The following SLC1A3 variants were observed in gnomAD, a reference collection of about 807,000 sequenced individuals.
SLC1A3 encodes excitatory amino acid transporter 1.
Under a neutral mutation model 48.1 loss-of-function variants are expected in SLC1A3, and 21 were observed. That is an observed-to-expected ratio of 0.44 (90% CI 0.31 to 0.63). The LOEUF (loss-of-function observed/expected upper bound fraction) is 0.63. SLC1A3 is among the 20% of genes least tolerant of loss of function. The pLI, the probability that SLC1A3 is intolerant of heterozygous loss-of-function variation, is 0.08. For missense variants in SLC1A3, 546 were observed against 689.0 expected, an observed-to-expected ratio of 0.79 and a Z score of 2.32; for synonymous variants, 239 against 251.4, an observed-to-expected ratio of 0.95 and a Z score of 0.47.
chr5:36,635,793 C>G (rs1740319299), intron 3 of SLC1A3, among the ~76,000 whole-genome samples: 2 of 152,116 alleles, frequency 1.3e-5, no homozygotes, highest in South Asian at 4.1e-4. Flanking sequence ...GAGTCTCCAT[C>G]TTAACACTCA....
rs1742366662 is a variant in SLC1A3, at chr5:36,679,871, A to ATGTG, written c.1094+14_1094+17dup. 1 of 1,583,910 alleles carries ATGTG rather than the reference A, an allele frequency of 6.3e-7. No homozygotes were observed. Among genetic ancestry groups the ATGTG allele is most frequent in the African/African-American group, 1.3e-5 (1 of 74,324 alleles). Reference sequence around the variant, plus strand: ...GGGGACCTCTTCAAGGTATGTATGTATGTGTGGAAAATGAGTCTGAAATGT... The same window carrying ATGTG: ...GGGGACCTCTTCAAGGTATGTATGTATGTGTGTGTGGAAAATGAGTCTGAAATGT... On this transcript the variant is annotated intron_variant, in intron 7 of 9. Transcript: ENST00000265113.
chr5:36,669,030 AG>A (rs1741880306), intron 3 of SLC1A3: 1 of 152,230 alleles, frequency 6.6e-6, no homozygotes, highest in Non-Finnish European at 1.5e-5. Context: ...AGAAGGCGAG[AG>A]GGAAAAAAGC....
At chr5:36,621,819 C>T (rs192020730) in intron 2 of SLC1A3, among the ~76,000 whole-genome samples, 37 of 152,140 alleles carry the variant, frequency 2.4e-4, no homozygotes, top group Non-Finnish European at 5.0e-4. Context: ...CTCTAACTGC[C>T]GTGTATAGCT....
In SLC1A3 at chr5:36,608,490, C is replaced by T. The variant is rs11543905; in HGVS notation, c.67C>T (p.Arg23Cys). 2.6e-5 allele frequency: 42 copies of T among 1,613,752 alleles called. No homozygotes were observed. The highest frequency in any genetic ancestry group is 3.3e-5 in the Admixed American group (2 of 59,990). Reference sequence around the variant, plus strand: ...GATGGAGAGATTCCAGCAGGGAGTCCGTAAACGCACACTTTTGGCCAAGAA... The same window carrying T: ...GATGGAGAGATTCCAGCAGGGAGTCTGTAAACGCACACTTTTGGCCAAGAA... ...GRMERFQQGV[R>C]KRTLLAKKKV... The change falls in exon 2 of 10, where the codon CGT (arginine) becomes TGT (cysteine). Residue 23 changes from arginine (R) to cysteine (C), a missense_variant. Coordinates refer to ENST00000265113, the MANE Select transcript of SLC1A3 (RefSeq NM_004172.5).
chr5:36,616,118 C>A (rs555099906), intron 2 of SLC1A3, among the ~76,000 whole-genome samples: 15 of 152,062 alleles, frequency 9.9e-5, no homozygotes, highest in African/African-American at 3.6e-4. Context: ...TTGCTTGAAC[C>A]GGGAAGGAGG....
rs537607368 is a variant in SLC1A3 at position 36,649,069 on chromosome 5, C to A, written c.319+19482C>A. On this transcript the variant is annotated intron_variant, in intron 3 of 9. Transcript: ENST00000265113. ...TAAAAGATTATTTATCTTGACGAGG[C>A]CTGGTGGCTCATGCCTGTAATCCCA... 2.0e-5 allele frequency among the ~76,000 whole-genome samples: 3 copies of A among 152,158 alleles called. No homozygotes were observed. In the East Asian group the frequency reaches 5.8e-4, roughly 29 times the overall value.
intron 1 of SLC1A3, among the ~76,000 whole-genome samples, chr5:36,600,666 A>G (rs1738797771): frequency 6.6e-6 from 1 of 152,150 alleles, no homozygotes; most frequent in Non-Finnish European, 1.5e-5. Context: ...TCATAAGGCA[A>G]TGGGAATTCC....
chr5:36,641,139 C>T (rs1375941934), intron 3 of SLC1A3, among the ~76,000 whole-genome samples: 1 of 152,128 alleles, frequency 6.6e-6, no homozygotes, highest in Non-Finnish European at 1.5e-5. Flanking sequence ...GAGCATGATA[C>T]ATCTTTAGTA....
At chr5:36,670,870 C>A (rs1741962298) in intron 3 of SLC1A3, 159 bp from the exon 4 acceptor site, 1 of 695,874 alleles carries the variant, frequency 1.4e-6, no homozygotes, top group South Asian at 1.6e-5. Flanking sequence ...TTTCCCTTCA[C>A]CTTGTGAGAT....
intron 7 of SLC1A3, 40 bp from the exon 8 acceptor site, chr5:36,680,355 C>G: frequency 6.5e-7 from 1 of 1,539,436 alleles, no homozygotes; most frequent in Non-Finnish European, 9.0e-7. Context: ...TCAGAACTAC[C>G]AGGACACTCA....
chr5:36,610,721 C>T (rs1216042054), intron 2 of SLC1A3, among the ~76,000 whole-genome samples: 1 of 152,134 alleles, frequency 6.6e-6, no homozygotes, highest in Non-Finnish European at 1.5e-5. Context: ...CTATTTTTCT[C>T]TAGGAGTTCT....
At chr5:36,622,181 A>C (rs926838871) in intron 2 of SLC1A3, among the ~76,000 whole-genome samples, 2 of 152,196 alleles carry the variant, frequency 1.3e-5, no homozygotes, top group African/African-American at 4.8e-5. Flanking sequence ...ACTAATGCTC[A>C]AACAGCTGGC....
chr5:36,653,850 T>C (rs6872594), intron 3 of SLC1A3, among the ~76,000 whole-genome samples: 8,421 of 152,228 alleles, frequency 0.055, 260 homozygotes, highest in East Asian at 0.089. Context: ...CTTTTGTTTG[T>C]TTGTTTTGTT....
At chr5:36,651,881 A>G (rs1186040064) in intron 3 of SLC1A3, among the ~76,000 whole-genome samples, 2 of 152,072 alleles carry the variant, frequency 1.3e-5, no homozygotes, top group Admixed American at 6.6e-5. Flanking sequence ...GCTGCATAAC[A>G]TTTTTCAGAA....
intron 2 of SLC1A3, among the ~76,000 whole-genome samples, chr5:36,614,277 G>C (rs1281927668): frequency 6.6e-6 from 1 of 152,140 alleles, no homozygotes; most frequent in African/African-American, 2.4e-5. Flanking sequence ...ATGGCTTCAA[G>C]CTGTCATATG....
In SLC1A3 at chr5:36,654,710, G is replaced by A. The variant is rs145958029; in HGVS notation, c.320-16319G>A. 6.3e-3 allele frequency among the ~76,000 whole-genome samples: 952 copies of A among 152,246 alleles called. 10 individuals are homozygous for A. The highest frequency in any genetic ancestry group is 0.022 in the African/African-American group (894 of 41,530). Reference sequence around the variant, plus strand: ...TGTCCCCATTGCATGTGTGCTCTGCGTCATGCAGGGCTGCTATTGTCTAGC... The same window carrying A: ...TGTCCCCATTGCATGTGTGCTCTGCATCATGCAGGGCTGCTATTGTCTAGC... On this transcript the variant is annotated intron_variant, in intron 3 of 9. Transcript: ENST00000265113.
intron 3 of SLC1A3, among the ~76,000 whole-genome samples, chr5:36,661,403 C>A (rs1379247033): frequency 2.6e-5 from 4 of 152,236 alleles, no homozygotes; most frequent in African/African-American, 9.6e-5. Flanking sequence ...CAGAGCGAGA[C>A]TCCGTCTCAA....
At chr5:36,630,540 T>C (rs1322603775) in intron 3 of SLC1A3, 2 of 152,282 alleles carry the variant, frequency 1.3e-5, no homozygotes, top group Admixed American at 6.5e-5. Flanking sequence ...CTTGGCTCAC[T>C]GTTCCCCTGT....
At chr5:36,641,912 A>G (rs1163768800) in intron 3 of SLC1A3, among the ~76,000 whole-genome samples, 1 of 152,240 alleles carries the variant, frequency 6.6e-6, no homozygotes, top group Non-Finnish European at 1.5e-5. Flanking sequence ...CATAAACAGT[A>G]AAAGCTATTA....
Sources: gnomAD v4.1 joint callset for allele counts (sites outside exome capture counted in the v4.1 genomes callset) on GRCh38, gnomAD v4.1.1 for gene constraint, MANE v1.5 for transcripts, NCBI Gene and HGNC (gene_info 2026-07-23, HGNC 2026-07-21) for gene names.